The following MMP14 variants were observed in gnomAD, a reference collection of about 807,000 sequenced individuals.
MMP14 encodes matrix metallopeptidase 14.
Under a neutral mutation model 64.8 loss-of-function variants are expected in MMP14, and 13 were observed. The observed-to-expected ratio is 0.20, with a 90% confidence interval of 0.13 to 0.32. The LOEUF is 0.32. Among genes scored for constraint, MMP14 ranks in the 10% least tolerant of loss-of-function variants. The pLI is 1.00. For synonymous variants in MMP14, 322 were observed against 315.9 expected (o/e 1.02, Z -0.20); for missense variants, 594 against 783.8 (o/e 0.76, Z 2.89).
At position 22,845,380 on chromosome 14, in the gene MMP14, G is replaced by A; in HGVS notation, c.1417+14G>A. 6.4e-7 allele frequency: 1 copy of A among 1,567,348 alleles called. No individual in the cohort carries two copies. The highest frequency in any genetic ancestry group is 8.7e-7 in the Non-Finnish European group (1 of 1,145,074). On this transcript the variant is annotated intron_variant, in intron 9 of 9. Coordinates refer to ENST00000311852, the MANE Select transcript of MMP14 (RefSeq NM_004995.4). ...GCAGCGATGAAGGTGAGAGGGGCAA[G>A]GGAAGGTGTCGCTGAGAGAAGGATG...
At chr14:22,840,582 C>T (rs922672807) in intron 1 of MMP14, among the ~76,000 whole-genome samples, 6 of 151,638 alleles carry the variant, frequency 4.0e-5, no homozygotes, top group East Asian at 1.9e-4. Context: ...AATCTCAGCT[C>T]GCTGCAAGCT....
Position 22,836,777 on chromosome 14 carries a change from G to T in MMP14, c.-41G>T. ...GCGACCCCAGGGCGTGGGCCCGGCCGCGGAGCCCACACTGCCCGGCTGACC... is the reference window on the plus strand; with the variant it reads ...GCGACCCCAGGGCGTGGGCCCGGCCTCGGAGCCCACACTGCCCGGCTGACC... On this transcript the variant is annotated 5_prime_UTR_variant, in exon 1 of 10. Coordinates refer to ENST00000311852, the MANE Select transcript of MMP14 (RefSeq NM_004995.4). 1 of 1,370,294 alleles carries T rather than the reference G, an allele frequency of 7.3e-7. No individual in the cohort carries two copies. The highest frequency in any genetic ancestry group is 1.0e-6 in the Non-Finnish European group (1 of 999,700). 84.9% of individuals were successfully genotyped at this position (1,370,294 alleles called of 1,614,324 possible).
intron 1 of MMP14, among the ~76,000 whole-genome samples, chr14:22,838,803 C>T (rs370325559): frequency 5.3e-5 from 8 of 152,302 alleles, no homozygotes; most frequent in South Asian, 2.1e-4. Context: ...GTCCTCTCTT[C>T]TGTGGTTTCG....
chr14:22,838,312 CT>C lies in MMP14; in HGVS notation c.108+1393del, dbSNP rs772325210. Among the ~76,000 whole-genome samples, 4 of 152,292 alleles carry C rather than the reference CT, an allele frequency of 2.6e-5. No homozygotes were observed. The East Asian group carries it at 5.8e-4, about 22-fold the overall frequency. The stretch of plus-strand genomic sequence containing the variant: ...CCGACCGCCAACTTCACTGCCTTAC[CT>C]TTTTTCCCTCCCCTGCTTTGCTGGG... On this transcript the variant is annotated intron_variant, in intron 1 of 9. Coordinates refer to ENST00000311852, the MANE Select transcript of MMP14 (RefSeq NM_004995.4).
Position 22,836,945 on chromosome 14 carries a change from C to T in MMP14, c.108+20C>T. The T allele has an allele frequency of 6.2e-7, 1 of 1,601,738 alleles. No individual in the cohort carries two copies. Among genetic ancestry groups the T allele is most frequent in the East Asian group, 2.2e-5 (1 of 44,536 alleles). ...CCCGAAGTAAGTGAGCTTCCCGGCC[C>T]TTCCCGGAGTCGCGCCCGCCGGGAG... is the stretch of plus-strand genomic sequence containing the variant. On this transcript the variant is annotated intron_variant, in intron 1 of 9. Coordinates refer to ENST00000311852, the MANE Select transcript of MMP14 (RefSeq NM_004995.4).
chr14:22,837,202 T>G (rs547424661), intron 1 of MMP14: 2 of 616,756 alleles, frequency 3.2e-6, no homozygotes, highest in African/African-American at 3.6e-5. Flanking sequence ...ACTTTACAAC[T>G]GGGGCGAACT....
chr14:22,843,721 G>A lies in MMP14; in HGVS notation c.862G>A (p.Gly288Arg). Residue 288 changes from glycine (G) to arginine (R), a missense_variant, in exon 6 of 10, where the codon GGG becomes AGG. Around this residue, in one of 4 missense-constraint regions of MMP14, gnomAD observed 364 missense variants for 425.2 expected, o/e 0.86. Coordinates refer to ENST00000311852, the MANE Select transcript of MMP14 (RefSeq NM_004995.4). This position sits in a 1 kb window ranked among gnomAD's most constrained non-coding sequence, Gnocchi z 4.8. ...GIQQLYGGES[G>R]FPTKMPPQPR... ...GTTTTCTGCCCCAGGGGGTGAGTCA[G>A]GGTTCCCCACCAAGATGCCCCCTCA... 6.3e-7 allele frequency: 1 copy of A among 1,590,838 alleles called. No individual in the cohort carries two copies.
chr14:22,836,871 C>T lies in MMP14; in HGVS notation c.54C>T (p.Leu18=), dbSNP rs569732507. ...GTCTCCTGCTCCCCCTGCTCACGCT[C>T]GGCACCGCGCTCGCCTCCCTCGGCT... is the stretch of plus-strand genomic sequence containing the variant. The part of the protein sequence containing the change: ...PRCLLLPLLT[L]GTALASLGSA... Residue 18 remains leucine, a synonymous_variant, in exon 1 of 10, where the codon CTC becomes CTT. Transcript: ENST00000311852. 6 of 1,613,726 alleles carry T rather than the reference C, an allele frequency of 3.7e-6. No individual in the cohort carries two copies. The highest frequency in any genetic ancestry group is 1.7e-5 in the Admixed American group (1 of 59,998).
chr14:22,837,301 G>T, intron 1 of MMP14: 1 of 476,434 alleles, frequency 2.1e-6, no homozygotes, highest in Non-Finnish European at 4.2e-6. Flanking sequence ...GCGCTGTCCC[G>T]GCTCCTCGTC....
chr14:22,842,748 G>T lies in MMP14; in HGVS notation c.688+31G>T. On this transcript the variant is annotated intron_variant, in intron 4 of 9. Transcript: ENST00000311852. The surrounding 1 kb of genome is among the most constrained non-coding windows in gnomAD (Gnocchi z 5.3). Reference sequence around the variant, plus strand: ...CCAAGTATCCCTGGGACTTACTCTGGAAAAAGCCAACAGTCATTTGTAGGG... The same window carrying T: ...CCAAGTATCCCTGGGACTTACTCTGTAAAAAGCCAACAGTCATTTGTAGGG... 1 of 1,557,756 alleles carries T rather than the reference G, an allele frequency of 6.4e-7. No homozygotes were observed. Among genetic ancestry groups the T allele is most frequent in the East Asian group, 2.3e-5 (1 of 44,292 alleles).
At position 22,845,917 on chromosome 14, in the gene MMP14, G is replaced by C. The variant is rs1273547219; in HGVS notation, c.1627G>C (p.Val543Leu). 1 of 1,605,808 alleles carries C rather than the reference G, an allele frequency of 6.2e-7. No homozygotes were observed. The highest frequency in any genetic ancestry group is 2.2e-5 in the East Asian group (1 of 44,590). ...GGGAVSAAAV[V>L]LPVLLLLLVL... is the part of the protein sequence containing the mutation. ...CGGGGCGGTGAGCGCGGCTGCCGTGGTGCTGCCCGTGCTGCTGCTGCTCCT... is the reference window on the plus strand; with the variant it reads ...CGGGGCGGTGAGCGCGGCTGCCGTGCTGCTGCCCGTGCTGCTGCTGCTCCT... Residue 543 changes from valine (V) to leucine (L), a missense_variant, in exon 10 of 10, where the codon GTG becomes CTG. Transcript: ENST00000311852.
At position 22,842,180 on chromosome 14, in the gene MMP14, ATCCTTG is replaced by A; in HGVS notation, c.380+146_380+151del. ...GGGAGTGGGGAGGAAAATGGCTCTC[ATCCTTG>A]AGAGAGGTGTAGCCATCAAGGGTGC... is the stretch of plus-strand genomic sequence containing the variant. On this transcript the variant is annotated intron_variant, in intron 3 of 9. Transcript: ENST00000311852. This position sits in a 1 kb window ranked among gnomAD's most constrained non-coding sequence, Gnocchi z 5.3. 2 of 1,205,910 alleles carry A rather than the reference ATCCTTG, an allele frequency of 1.7e-6. No homozygotes were observed. The highest frequency in any genetic ancestry group is 1.4e-5 in the South Asian group (1 of 69,374). The allele number at this position is 1,205,910 out of a possible 1,614,324, so 74.7% of individuals were successfully genotyped here.
At position 22,845,809 on chromosome 14, in the gene MMP14, G is replaced by A. The variant is rs980032532; in HGVS notation, c.1519G>A (p.Gly507Ser). The A allele has an allele frequency of 1.2e-6, 2 of 1,614,190 alleles. No homozygotes were observed. Among genetic ancestry groups the A allele is most frequent in the Non-Finnish European group, 8.5e-7 (1 of 1,180,048 alleles). The change falls in exon 10 of 10, where the codon GGC (glycine) becomes AGC (serine). Residue 507 changes from glycine to serine, a missense_variant. Around this residue, in one of 4 missense-constraint regions of MMP14, gnomAD observed 364 missense variants for 425.2 expected, o/e 0.86. Coordinates refer to ENST00000311852, the MANE Select transcript of MMP14 (RefSeq NM_004995.4). The stretch of plus-strand genomic sequence containing the variant: ...CAAGTCAGCCCTGAGGGACTGGATG[G>A]GCTGCCCATCGGGAGGCCGGCCGGA... ...YPKSALRDWM[G>S]CPSGGRPDEG...
At position 22,846,698 on chromosome 14, in the gene MMP14, A is replaced by G. The variant is rs17885304; in HGVS notation, c.*659A>G. On this transcript the variant is annotated 3_prime_UTR_variant, in exon 10 of 10. Coordinates refer to ENST00000311852, the MANE Select transcript of MMP14 (RefSeq NM_004995.4). Reference sequence around the variant, plus strand: ...CCTCACCTACCCCAGGGAACTTCCAAGGAAGGAGCCTGAGCCACTGGGGAC... The same window carrying G: ...CCTCACCTACCCCAGGGAACTTCCAGGGAAGGAGCCTGAGCCACTGGGGAC... 0.012 allele frequency: 1,800 copies of G among 152,796 alleles called. 32 individuals carry two copies. The highest frequency in any genetic ancestry group is 0.041 in the African/African-American group (1,708 of 41,554). The allele number at this position is 152,796 out of a possible 1,614,324, so 9.5% of individuals were successfully genotyped here.
chr14:22,841,736 C>T, intron 2 of MMP14, 97 bp downstream of exon 2: 1 of 1,562,798 alleles, frequency 6.4e-7, no homozygotes, highest in Non-Finnish European at 8.7e-7. Flanking sequence ...GTGCACCCCA[C>T]TCCCCCATAT....
chr14:22,846,034 G>A lies in MMP14; in HGVS notation c.1744G>A (p.Val582Ile). The change falls in exon 10 of 10, where the codon GTC becomes ATC. Residue 582 changes from valine to isoleucine, a missense_variant. Val to Ile is a conservative substitution (Grantham distance 29, BLOSUM62 3). Transcript: ENST00000311852. ...LYCQRSLLDKV is the reference protein window; with the variant it reads ...LYCQRSLLDKI ...CTGCCAGCGTTCCCTGCTGGACAAG[G>A]TCTGACGCCCACCGCCGGCCCGCCC... 6.8e-7 allele frequency: 1 copy of A among 1,476,148 alleles called. No homozygotes were observed. Among genetic ancestry groups the A allele is most frequent in the Non-Finnish European group, 9.0e-7 (1 of 1,111,538 alleles). The allele number at this position is 1,476,148 out of a possible 1,614,324, so 91.4% of individuals were successfully genotyped here.
chr14:22,844,399 A>C lies in MMP14; in HGVS notation c.1040A>C (p.Asn347Thr). The C allele has an allele frequency of 6.2e-7, 1 of 1,614,054 alleles. No individual in the cohort carries two copies. The highest frequency in any genetic ancestry group is 8.5e-7 in the Non-Finnish European group (1 of 1,179,966). ...KERWFWRVRN[N>T]QVMDGYPMPI... ...CGCTGGTTCTGGCGGGTGAGGAATA[A>C]CCAAGTGATGGATGGATACCCAATG... is the stretch of plus-strand genomic sequence containing the variant. The change falls in exon 7 of 10, where the codon AAC becomes ACC. Residue 347 changes from asparagine (N) to threonine (T), a missense_variant. This residue lies in a region of MMP14 where 364 missense variants were observed against 425.2 expected (regional missense o/e 0.86). Coordinates refer to ENST00000311852, the MANE Select transcript of MMP14 (RefSeq NM_004995.4).
Position 22,843,562 on chromosome 14 carries a change from C to T in MMP14, c.850+144C>T, listed in dbSNP as rs1319088270. 11 of 1,385,830 alleles carry T rather than the reference C, an allele frequency of 7.9e-6. No homozygotes were observed. The highest frequency in any genetic ancestry group is 9.9e-6 in the Non-Finnish European group (10 of 1,015,064). 85.8% of individuals were successfully genotyped at this position (1,385,830 alleles called of 1,614,324 possible). A position where few individuals can be genotyped will look rare whatever the true frequency, so the allele number is the denominator to read the frequency against. Reference sequence around the variant, plus strand: ...CCTCTATCAGCTCCACTTTTGAGCCCATCTTTTGTGTCGCCTCCCAGTTGG... The same window carrying T: ...CCTCTATCAGCTCCACTTTTGAGCCTATCTTTTGTGTCGCCTCCCAGTTGG... On this transcript the variant is annotated intron_variant, in intron 5 of 9. Coordinates refer to ENST00000311852, the MANE Select transcript of MMP14 (RefSeq NM_004995.4). The surrounding 1 kb of genome is among the most constrained non-coding windows in gnomAD (Gnocchi z 4.8).
rs1337778236 is a variant in MMP14, at chr14:22,842,237, T to TGAG, written c.381-170_381-168dup. The TGAG allele has an allele frequency of 2.0e-6, 2 of 998,984 alleles. No homozygotes were observed. The highest frequency in any genetic ancestry group is 3.3e-5 in the African/African-American group (2 of 61,242). The allele number at this position is 998,984 out of a possible 1,614,324, so 61.9% of individuals were successfully genotyped here. ...ACCCCAGTGCCAGAGAGCCAGAGCC[T>TGAG]GAGGATCCCTTGTTCTTGAGACAGA... On this transcript the variant is annotated intron_variant, in intron 3 of 9. Coordinates refer to ENST00000311852, the MANE Select transcript of MMP14 (RefSeq NM_004995.4). The surrounding 1 kb of genome is among the most constrained non-coding windows in gnomAD (Gnocchi z 5.3).
Sources: allele counts gnomAD v4.1 joint callset (sites outside exome capture counted in the v4.1 genomes callset), GRCh38; gene constraint gnomAD v4.1.1; regional missense constraint gnomAD v4.1.1; non-coding constraint Gnocchi (gnomAD v3.1); transcripts MANE v1.5; gene names NCBI Gene and HGNC (gene_info 2026-07-23, HGNC 2026-07-21).